The following FREM3 variants were observed in gnomAD, a reference collection of about 807,000 sequenced individuals.
FREM3 encodes the protein FRAS1 related extracellular matrix 3.
FREM3 carries 105 observed loss-of-function variants against 129.1 expected under a neutral mutation model. That is an observed-to-expected ratio of 0.81 (90% CI 0.69 to 0.96). The LOEUF is 0.96. Ranked by LOEUF, FREM3 falls within the 40% of genes least tolerant of loss-of-function variation. The pLI is 0.00. For synonymous variants in FREM3, 1,014 were observed against 1,044.9 expected (o/e 0.97, Z 0.57); for missense variants, 2,593 against 2,666.3 (o/e 0.97, Z 0.61).
rs1428763488 is a variant in FREM3, at chr4:143,585,400, G to T, written c.6178+444C>A. Reference sequence around the variant, plus strand: ...TCCATGTCAGGAAATGCAAAGGTGAGCAGGGCATGAAGACATGCTGTTTGA... The same window carrying T: ...TCCATGTCAGGAAATGCAAAGGTGATCAGGGCATGAAGACATGCTGTTTGA... On this transcript the variant is annotated intron_variant, in intron 7 of 7. Transcript: ENST00000329798. The surrounding 1 kb of genome is among the most constrained non-coding windows in gnomAD (Gnocchi z 4.2). Among the ~76,000 whole-genome samples the T allele has an allele frequency of 6.6e-6, 1 of 152,194 alleles. No homozygotes were observed. Among genetic ancestry groups the T allele is most frequent in the Non-Finnish European group, 1.5e-5 (1 of 68,026 alleles).
At chr4:143,605,015 G>A (rs550395194) in intron 6 of FREM3, among the ~76,000 whole-genome samples, 145 of 152,226 alleles carry the variant, frequency 9.5e-4, no homozygotes, top group Non-Finnish European at 1.8e-3. Context: ...TAGGATAGAA[G>A]GCAAGGGTAG....
chr4:143,587,800 C>T (rs1302088985), intron 6 of FREM3, among the ~76,000 whole-genome samples: 1 of 152,144 alleles, frequency 6.6e-6, no homozygotes, highest in African/African-American at 2.4e-5. Context: ...CTCTTATCTG[C>T]AGTTCTCTTG....
intron 2 of FREM3, among the ~76,000 whole-genome samples, chr4:143,679,109 T>C (rs1740202408): frequency 6.6e-6 from 1 of 152,196 alleles, no homozygotes; most frequent in Non-Finnish European, 1.5e-5. Flanking sequence ...AAAATGTTGA[T>C]AGCAGTCTTC....
intron 6 of FREM3, among the ~76,000 whole-genome samples, chr4:143,586,908 A>C (rs1349080465): frequency 6.6e-6 from 1 of 152,244 alleles, no homozygotes; most frequent in Non-Finnish European, 1.5e-5. Context: ...ATGGAGGAAC[A>C]ACCCCTTGAG....
rs149991944 is a variant in FREM3 at position 143,650,451 on chromosome 4, T to G, written c.5276-22691A>C. Among the ~76,000 whole-genome samples the G allele has an allele frequency of 9.3e-3, 1,412 of 152,328 alleles. 20 individuals are homozygous for G. The highest frequency in any genetic ancestry group is 0.028 in the Admixed American group (426 of 15,298). On this transcript the variant is annotated intron_variant, in intron 2 of 7. Transcript: ENST00000329798. ...TATCTAAACCCTCACCAGGCCCAGTTGACGAGTCTTCTGTGAATGGTGAAC... is the reference window on the plus strand; with the variant it reads ...TATCTAAACCCTCACCAGGCCCAGTGGACGAGTCTTCTGTGAATGGTGAAC...
At chr4:143,591,014 G>A (rs1282353386) in intron 6 of FREM3, among the ~76,000 whole-genome samples, 4 of 152,202 alleles carry the variant, frequency 2.6e-5, no homozygotes, top group African/African-American at 7.2e-5. Context: ...AGATTTTCTA[G>A]TTTATTTGCA....
At position 143,611,434 on chromosome 4, in the gene FREM3, T is replaced by C. The variant is rs1331504806; in HGVS notation, c.5873A>G (p.Asn1958Ser). The C allele has an allele frequency of 6.5e-6, 10 of 1,537,198 alleles. No individual in the cohort carries two copies. The highest frequency in any genetic ancestry group is 8.7e-6 in the Non-Finnish European group (10 of 1,146,844). ...GACCTGGCAGGTCTTCTGTGTCTCA[T>C]TCTTGTCAAAGTGGAGGATGCTGGT... Reference protein sequence around the residue: ...DHTSILHFDKNETQKTCQVLI... With the variant: ...DHTSILHFDKSETQKTCQVLI... The change falls in exon 6 of 8, where the codon AAT becomes AGT. Residue 1958 changes from asparagine (N) to serine (S), a missense_variant. Transcript: ENST00000329798.
At chr4:143,654,908 T>A (rs1209266269) in intron 2 of FREM3, among the ~76,000 whole-genome samples, 2 of 152,162 alleles carry the variant, frequency 1.3e-5, no homozygotes, top group African/African-American at 4.8e-5. Context: ...TTGGGCCTAG[T>A]AAGGAAACAA....
intron 5 of FREM3, 64 bp downstream of exon 5, chr4:143,620,973 G>A: frequency 1.3e-6 from 2 of 1,481,678 alleles, no homozygotes; most frequent in Non-Finnish European, 1.8e-6. Flanking sequence ...GGTACTCCCA[G>A]CATTACCACA....
intron 6 of FREM3, among the ~76,000 whole-genome samples, chr4:143,598,742 TA>T (rs1578828778): frequency 6.6e-6 from 1 of 152,220 alleles, no homozygotes; most frequent in South Asian, 2.1e-4. Context: ...ACTGTATTTT[TA>T]TTATACCTTT....
At chr4:143,605,004 G>A (rs1738644056) in intron 6 of FREM3, among the ~76,000 whole-genome samples, 1 of 152,256 alleles carries the variant, frequency 6.6e-6, no homozygotes, top group Non-Finnish European at 1.5e-5. Flanking sequence ...ATCAAATTGG[G>A]TAGGATAGAA....
intron 7 of FREM3, among the ~76,000 whole-genome samples, chr4:143,578,537 GA>G (rs1404567080): frequency 6.6e-6 from 1 of 151,904 alleles, no homozygotes; most frequent in Non-Finnish European, 1.5e-5. Context: ...AATTGCAAAG[GA>G]AAAAAGGGAA....
intron 2 of FREM3, among the ~76,000 whole-genome samples, chr4:143,672,415 C>A (rs1357619947): frequency 2.0e-5 from 3 of 152,196 alleles, no homozygotes; most frequent in Admixed American, 2.0e-4. Flanking sequence ...TGGACCTCAA[C>A]CACTTGTCTG....
At chr4:143,659,526 G>C (rs1234733157) in intron 2 of FREM3, among the ~76,000 whole-genome samples, 1 of 151,910 alleles carries the variant, frequency 6.6e-6, no homozygotes, top group Admixed American at 6.6e-5. Flanking sequence ...ATTGTGAATA[G>C]TGCCGCAATA....
chr4:143,685,167 AT>A (rs1187452722), intron 2 of FREM3, among the ~76,000 whole-genome samples: 1 of 152,188 alleles, frequency 6.6e-6, no homozygotes, highest in Non-Finnish European at 1.5e-5. Context: ...TGAGAAAATC[AT>A]TGCAAAAAGA....
chr4:143,651,255 G>A (rs1739504857), intron 2 of FREM3, among the ~76,000 whole-genome samples: 1 of 152,076 alleles, frequency 6.6e-6, no homozygotes, highest in Admixed American at 6.5e-5. Context: ...AGTTAATGCT[G>A]GTCTATTAGA....
intron 1 of FREM3, among the ~76,000 whole-genome samples, chr4:143,694,638 T>C (rs1740533307): frequency 6.6e-6 from 1 of 152,188 alleles, no homozygotes; most frequent in African/African-American, 2.4e-5. Flanking sequence ...ATTCTTTCTT[T>C]TTTTGTTGTT....
At chr4:143,639,401 G>T (rs556251661) in intron 2 of FREM3, among the ~76,000 whole-genome samples, 76 of 152,234 alleles carry the variant, frequency 5.0e-4, no homozygotes, top group African/African-American at 1.7e-3. Flanking sequence ...TAAAGGTGTG[G>T]CCCTGGGTGA....
intron 6 of FREM3, among the ~76,000 whole-genome samples, chr4:143,588,391 C>G (rs993570447): frequency 6.6e-6 from 1 of 151,740 alleles, no homozygotes; most frequent in Non-Finnish European, 1.5e-5. Context: ...TATCCCTCCC[C>G]CATCCCCCCA....
Sources: allele counts gnomAD v4.1 joint callset (sites outside exome capture counted in the v4.1 genomes callset), GRCh38; gene constraint gnomAD v4.1.1; non-coding constraint Gnocchi (gnomAD v3.1); transcripts MANE v1.5; gene names NCBI Gene and HGNC (gene_info 2026-07-23, HGNC 2026-07-21).